ROR1: variants seen among roughly 807,000 people sequenced by gnomAD.
ROR1 encodes the protein inactive tyrosine-protein kinase transmembrane receptor ROR1.
ROR1 carries 19 observed loss-of-function variants against 78.8 expected under a neutral mutation model. That is an observed-to-expected ratio of 0.24 (90% CI 0.17 to 0.35). ROR1 has a LOEUF of 0.35. ROR1 is among the 10% of genes least tolerant of loss of function. The probability of loss-of-function intolerance (pLI) is 1.00; values close to 1 mark genes in which losing one functional copy is unlikely to be tolerated. For synonymous variants in ROR1, 386 were observed against 433.6 expected (o/e 0.89, Z 1.36); for missense variants, 917 against 1,177.8 (o/e 0.78, Z 3.24).
chr1:64,073,723 C>A lies in ROR1; in HGVS notation c.482+23007C>A, dbSNP rs144990945. Among the ~76,000 whole-genome samples, 15 of 152,302 alleles carry A rather than the reference C, an allele frequency of 9.8e-5. 1 individual carries two copies. The highest frequency in any genetic ancestry group is 3.6e-4 in the African/African-American group (15 of 41,572). On this transcript the variant is annotated intron_variant, in intron 4 of 8. Coordinates refer to ENST00000371079, the MANE Select transcript of ROR1 (RefSeq NM_005012.4). Reference sequence around the variant, plus strand: ...CCATCTGCACAATATTAAGAAAAATCATGTTGGCAAATGATGGGGCCTCTT... The same window carrying A: ...CCATCTGCACAATATTAAGAAAAATAATGTTGGCAAATGATGGGGCCTCTT...
At chr1:63,777,162 C>T (rs2787685) in intron 1 of ROR1, among the ~76,000 whole-genome samples, 3,619 of 152,258 alleles carry the variant, frequency 0.024, 147 homozygotes, top group African/African-American at 0.082. Flanking sequence ...CTTATAACTG[C>T]ACCCAAGCCC....
At chr1:63,894,597 G>C (rs1484340634) in intron 1 of ROR1, among the ~76,000 whole-genome samples, 2 of 152,116 alleles carry the variant, frequency 1.3e-5, no homozygotes, top group South Asian at 2.1e-4. Flanking sequence ...CTGTAGCACA[G>C]GGGAGGTTTT....
At chr1:63,951,286 T>C (rs910026951) in intron 1 of ROR1, among the ~76,000 whole-genome samples, 2 of 152,182 alleles carry the variant, frequency 1.3e-5, no homozygotes, top group African/African-American at 2.4e-5. Flanking sequence ...GCAGCAAAGC[T>C]TTTTAGAGCA....
intron 7 of ROR1, among the ~76,000 whole-genome samples, chr1:64,144,865 G>C (rs945940659): frequency 6.6e-6 from 1 of 152,108 alleles, no homozygotes; most frequent in African/African-American, 2.4e-5. Context: ...TAAGGACATG[G>C]GTTCTCATGT....
intron 1 of ROR1, among the ~76,000 whole-genome samples, chr1:63,952,193 A>T (rs1645945383): frequency 6.6e-6 from 1 of 152,170 alleles, no homozygotes; most frequent in Non-Finnish European, 1.5e-5. Context: ...GTCTGAGCTG[A>T]GATCTGGAGG....
chr1:64,131,759 T>C (rs2100699667), intron 4 of ROR1, among the ~76,000 whole-genome samples: 1 of 152,206 alleles, frequency 6.6e-6, no homozygotes, highest in East Asian at 1.9e-4. Flanking sequence ...GGACTACATG[T>C]GTGTGCCACC....
chr1:63,825,638 G>T (rs1431292037), intron 1 of ROR1, among the ~76,000 whole-genome samples: 1 of 152,168 alleles, frequency 6.6e-6, no homozygotes, highest in African/African-American at 2.4e-5. Flanking sequence ...TTATTGAACT[G>T]TACACTAAAT....
chr1:63,849,878 A>G (rs1645103031), intron 1 of ROR1, among the ~76,000 whole-genome samples: 1 of 152,178 alleles, frequency 6.6e-6, no homozygotes, highest in Non-Finnish European at 1.5e-5. Context: ...GACAAAACCC[A>G]TTTCAGATAC....
At chr1:63,844,417 G>A (rs1390193746) in intron 1 of ROR1, among the ~76,000 whole-genome samples, 2 of 152,172 alleles carry the variant, frequency 1.3e-5, no homozygotes, top group African/African-American at 4.8e-5. Flanking sequence ...CCATTGAGCT[G>A]TAAATATCTA....
chr1:63,932,475 A>T (rs1458396137), intron 1 of ROR1, among the ~76,000 whole-genome samples: 1 of 152,154 alleles, frequency 6.6e-6, no homozygotes, highest in Non-Finnish European at 1.5e-5. Flanking sequence ...ATGAGAAGTG[A>T]GGCCTACCAA....
chr1:63,940,494 C>CAGAT (rs1315855737), intron 1 of ROR1, among the ~76,000 whole-genome samples: 14 of 77,844 alleles, frequency 1.8e-4, no homozygotes, highest in East Asian at 4.4e-4. Flanking sequence ...GATAGATAGA[C>CAGAT]AGACAGATAG....
At chr1:63,841,609 T>G (rs1384798258) in intron 1 of ROR1, among the ~76,000 whole-genome samples, 1 of 152,204 alleles carries the variant, frequency 6.6e-6, no homozygotes, top group African/African-American at 2.4e-5. Context: ...ACCCTGTATT[T>G]GAGACTCTGA....
chr1:63,856,427 TC>T (rs1358356579), intron 1 of ROR1, among the ~76,000 whole-genome samples: 1 of 152,216 alleles, frequency 6.6e-6, no homozygotes, highest in Non-Finnish European at 1.5e-5. Context: ...GATATTTCTT[TC>T]CCCAGTGCTG....
At chr1:63,870,987 A>C (rs1645247499) in intron 1 of ROR1, among the ~76,000 whole-genome samples, 1 of 152,222 alleles carries the variant, frequency 6.6e-6, no homozygotes, top group African/African-American at 2.4e-5. Flanking sequence ...GAATCTTTCC[A>C]TGAGGAAGAT....
At chr1:63,800,099 G>A (rs1644786427) in intron 1 of ROR1, among the ~76,000 whole-genome samples, 1 of 152,138 alleles carries the variant, frequency 6.6e-6, no homozygotes, top group Admixed American at 6.5e-5. Flanking sequence ...CTCAAAGATG[G>A]GGATGCTTCA....
At chr1:63,962,366 A>C (rs182212440) in intron 1 of ROR1, among the ~76,000 whole-genome samples, 9 of 152,278 alleles carry the variant, frequency 5.9e-5, no homozygotes, top group Non-Finnish European at 1.3e-4. Context: ...GAACGAAGAA[A>C]TGAATGTTAT....
chr1:63,796,631 T>C (rs559482410), intron 1 of ROR1, among the ~76,000 whole-genome samples: 1 of 152,314 alleles, frequency 6.6e-6, no homozygotes, highest in South Asian at 2.1e-4. Flanking sequence ...GTTTGTACTT[T>C]GTGAGAAAAA....
At chr1:63,795,332 A>G (rs1036871839) in intron 1 of ROR1, among the ~76,000 whole-genome samples, 2 of 152,224 alleles carry the variant, frequency 1.3e-5, no homozygotes, top group Non-Finnish European at 2.9e-5. Context: ...ATTCAAATCC[A>G]AAGTATTTGC....
intron 1 of ROR1, among the ~76,000 whole-genome samples, chr1:63,819,359 C>A (rs1399783578): frequency 6.6e-6 from 1 of 152,118 alleles, no homozygotes; most frequent in African/African-American, 2.4e-5. Context: ...AGGGCAGGTG[C>A]ATACCTTTTG....
Sources: gnomAD v4.1 joint callset for allele counts (sites outside exome capture counted in the v4.1 genomes callset) on GRCh38, gnomAD v4.1.1 for gene constraint, MANE v1.5 for transcripts, NCBI Gene and HGNC (gene_info 2026-07-23, HGNC 2026-07-21) for gene names.